WSCD1: variants seen among roughly 807,000 people sequenced by gnomAD.
WSCD1 encodes the protein WSC domain sialate O sulfotransferase 1.
WSCD1 carries 41 observed loss-of-function variants against 60.4 expected under a neutral mutation model. That is an observed-to-expected ratio of 0.68 (90% CI 0.53 to 0.88). WSCD1 has a LOEUF of 0.88. Among genes scored for constraint, WSCD1 ranks in the 40% least tolerant of loss-of-function variants. The pLI is 0.00. For synonymous variants in WSCD1, 361 were observed against 332.5 expected (o/e 1.09, Z -0.93); for missense variants, 784 against 796.2 (o/e 0.98, Z 0.18).
At chr17:6,119,095 C>T (rs1417046285) in intron 8 of WSCD1, among the ~76,000 whole-genome samples, 2 of 152,132 alleles carry the variant, frequency 1.3e-5, no homozygotes, top group African/African-American at 4.8e-5. Flanking sequence ...ATCACAAGGG[C>T]CCCACCCTCA....
In WSCD1 at chr17:6,120,518, C is replaced by T. The variant is rs199932370; in HGVS notation, c.1585C>T (p.Arg529Trp). 6.3e-5 allele frequency: 101 copies of T among 1,613,758 alleles called. No homozygotes were observed. Among genetic ancestry groups the T allele is most frequent in the Middle Eastern group, 3.3e-4 (2 of 6,062 alleles). Residue 529 changes from arginine to tryptophan, a missense_variant, in exon 9 of 9, where the codon CGG becomes TGG. Arg to Trp is a moderately radical substitution (Grantham distance 101). Coordinates refer to ENST00000317744, the MANE Select transcript of WSCD1 (RefSeq NM_015253.2). ...CVENNKEGSF[R>W]RRGRRSHDPE... ...GGAGAACAACAAGGAGGGCAGCTTC[C>T]GGCGGCGCGGCCGGCGCTCCCACGA...
intron 1 of WSCD1, among the ~76,000 whole-genome samples, chr17:6,078,603 C>T (rs113500304): frequency 5.9e-5 from 9 of 151,772 alleles, no homozygotes; most frequent in South Asian, 2.1e-4. Context: ...TGCATGCATG[C>T]GTGTGCATGT....
intron 4 of WSCD1, 111 bp downstream of exon 4, chr17:6,090,616 T>G: frequency 1.4e-6 from 2 of 1,414,878 alleles, no homozygotes; most frequent in South Asian, 2.7e-5. Flanking sequence ...TGTGCCAACC[T>G]CTGCCCTCCC....
At position 6,123,916 on chromosome 17, in the gene WSCD1, T is replaced by A. The variant is rs1048488362; in HGVS notation, c.*3255T>A. On this transcript the variant is annotated 3_prime_UTR_variant, in exon 9 of 9. Transcript: ENST00000317744. ...TCCCATCTCCAGTCTCAGTTTCCCA[T>A]CCATAAAATGGGGGAAGTGGTAGGT... The A allele has an allele frequency of 6.6e-6, 1 of 152,202 alleles. No homozygotes were observed. The highest frequency in any genetic ancestry group is 2.1e-4 in the South Asian group (1 of 4,824). 9.4% of individuals were successfully genotyped at this position (152,202 alleles called of 1,614,324 possible).
intron 2 of WSCD1, 30 bp downstream of exon 2, chr17:6,081,115 G>A: frequency 6.6e-7 from 1 of 1,516,554 alleles, no homozygotes; most frequent in South Asian, 1.2e-5. Flanking sequence ...TGGGGGAGCT[G>A]TTCCCAGGAC....
intron 5 of WSCD1, among the ~76,000 whole-genome samples, chr17:6,103,327 G>T (rs1344771184): frequency 2.6e-5 from 4 of 152,206 alleles, no homozygotes; most frequent in African/African-American, 7.2e-5. Flanking sequence ...TCAGTGTGTG[G>T]GGGATGTTTG....
In WSCD1 at chr17:6,075,991, G is replaced by A. The variant is rs1908835385; in HGVS notation, c.-288-4380G>A. ...GACACCATGTGTGGCATCATCTCTA[G>A]GAGCTTTGGCCCGGCATGACTTCAA... On this transcript the variant is annotated intron_variant, in intron 1 of 8. Coordinates refer to ENST00000317744, the MANE Select transcript of WSCD1 (RefSeq NM_015253.2). The surrounding 1 kb of genome is among the most constrained non-coding windows in gnomAD (Gnocchi z 4.1). 6.6e-6 allele frequency among the ~76,000 whole-genome samples: 1 copy of A among 152,192 alleles called. No homozygotes were observed. Among genetic ancestry groups the A allele is most frequent in the Non-Finnish European group, 1.5e-5 (1 of 68,028 alleles).
At chr17:6,070,125 C>A (rs1029538006), upstream of WSCD1, among the ~76,000 whole-genome samples, 5 of 143,058 alleles carry the variant, frequency 3.5e-5, no homozygotes, top group African/African-American at 1.1e-4. Flanking sequence ...CGTGGGGCCC[C>A]GGTGAAAGGC....
intron 7 of WSCD1, among the ~76,000 whole-genome samples, chr17:6,113,797 C>A (rs1911538256): frequency 6.6e-6 from 1 of 152,162 alleles, no homozygotes; most frequent in African/African-American, 2.4e-5. Flanking sequence ...GAGATATCAT[C>A]TCGCCCCAGT....
rs556925818 is a variant in WSCD1, at chr17:6,111,535, T to G, written c.1174+600T>G. On this transcript the variant is annotated intron_variant, in intron 7 of 8. Transcript: ENST00000317744. ...GACCAATATGGTGAAACCTCATTTC[T>G]ACTAAAAATACAAAAATTAGCTGGG... is the stretch of plus-strand genomic sequence containing the variant. Among the ~76,000 whole-genome samples the G allele has an allele frequency of 1.4e-4, 21 of 152,124 alleles. No individual in the cohort carries two copies. In the East Asian group the frequency reaches 4.1e-3, roughly 29 times the overall value.
chr17:6,081,010 C>T lies in WSCD1; in HGVS notation c.352C>T (p.His118Tyr). The change falls in exon 2 of 9, where the codon CAC (histidine) becomes TAC (tyrosine). Residue 118 changes from histidine to tyrosine, a missense_variant. Coordinates refer to ENST00000317744, the MANE Select transcript of WSCD1 (RefSeq NM_015253.2). Reference sequence around the variant, plus strand: ...GCGTCAGTTGCGTCGCCGCTGGTTCCACCACTTCATGAGTGACTCCCAGGG... The same window carrying T: ...GCGTCAGTTGCGTCGCCGCTGGTTCTACCACTTCATGAGTGACTCCCAGGG... ...ELRQLRRRWFHHFMSDSQGPP... is the reference protein window; with the variant it reads ...ELRQLRRRWFYHFMSDSQGPP... 1 of 1,545,086 alleles carries T rather than the reference C, an allele frequency of 6.5e-7. No individual in the cohort carries two copies. Among genetic ancestry groups the T allele is most frequent in the Non-Finnish European group, 8.7e-7 (1 of 1,147,022 alleles).
In WSCD1 at chr17:6,118,006, A is replaced by G; in HGVS notation, c.1193A>G (p.Asp398Gly). ...LYNKGFKGEK[D>G]HWRSRRTICV... ...CCTGCAGGGTTCAAGGGCGAAAAGGACCACTGGCGGAGCCGACGCACCATC... is the reference window on the plus strand; with the variant it reads ...CCTGCAGGGTTCAAGGGCGAAAAGGGCCACTGGCGGAGCCGACGCACCATC... The change falls in exon 8 of 9, where the codon GAC becomes GGC. Residue 398 changes from aspartate (D) to glycine (G), a missense_variant. Asp to Gly is a moderately conservative substitution (Grantham distance 94). Transcript: ENST00000317744. This position sits in a 1 kb window ranked among gnomAD's most constrained non-coding sequence, Gnocchi z 5.8. 1 of 1,613,890 alleles carries G rather than the reference A, an allele frequency of 6.2e-7. No homozygotes were observed. Among genetic ancestry groups the G allele is most frequent in the Non-Finnish European group, 8.5e-7 (1 of 1,180,024 alleles).
Position 6,070,402 on chromosome 17 carries a change from C to G in WSCD1, c.-539C>G, listed in dbSNP as rs1222135123. The G allele has an allele frequency of 6.8e-6, 1 of 146,802 alleles. No homozygotes were observed. Among genetic ancestry groups the G allele is most frequent in the Admixed American group, 6.8e-5 (1 of 14,698 alleles). The allele number at this position is 146,802 out of a possible 1,614,324, so 9.1% of individuals were successfully genotyped here. On this transcript the variant is annotated 5_prime_UTR_variant, in exon 1 of 9. Transcript: ENST00000317744. ...GTGCAGAGCCCGGCGCCCGCTCGCC[C>G]GCCCGCTGCCCGCCCCGGCTCCGCG... is the stretch of plus-strand genomic sequence containing the variant.
At chr17:6,070,684 C>T (rs1908479563) in intron 1 of WSCD1, 32 bp downstream of exon 1, 1 of 150,520 alleles carries the variant, frequency 6.6e-6, no homozygotes, top group Non-Finnish European at 1.5e-5. Flanking sequence ...TCCAGCCGGA[C>T]CCCCGCGCGG....
At position 6,123,926 on chromosome 17, in the gene WSCD1, G is replaced by A. The variant is rs544271102; in HGVS notation, c.*3265G>A. On this transcript the variant is annotated 3_prime_UTR_variant, in exon 9 of 9. Transcript: ENST00000317744. Reference sequence around the variant, plus strand: ...AGTCTCAGTTTCCCATCCATAAAATGGGGGAAGTGGTAGGTCTTGCTGATT... The same window carrying A: ...AGTCTCAGTTTCCCATCCATAAAATAGGGGAAGTGGTAGGTCTTGCTGATT... 6.6e-6 allele frequency: 1 copy of A among 152,290 alleles called. No homozygotes were observed. The highest frequency in any genetic ancestry group is 1.9e-4 in the East Asian group (1 of 5,182). 9.4% of individuals were successfully genotyped at this position (152,290 alleles called of 1,614,324 possible).
At position 6,120,424 on chromosome 17, in the gene WSCD1, G is replaced by A. The variant is rs1269057322; in HGVS notation, c.1491G>A (p.Leu497=). Residue 497 remains leucine (L), a synonymous_variant, in exon 9 of 9, where the codon CTG becomes CTA. Coordinates refer to ENST00000317744, the MANE Select transcript of WSCD1 (RefSeq NM_015253.2). ...ACTACGAGGAGCTGCGGCGCAGCCT[G>A]GTGCCCACGTTACGGGAGATGGTGG... is the stretch of plus-strand genomic sequence containing the variant. The part of the protein sequence containing the change: ...VVHYEELRRS[L]VPTLREMVAF... 1.2e-6 allele frequency: 2 copies of A among 1,613,990 alleles called. No homozygotes were observed. The highest frequency in any genetic ancestry group is 1.7e-6 in the Non-Finnish European group (2 of 1,180,038).
At chr17:6,107,934 G>T (rs952369697) in intron 5 of WSCD1, among the ~76,000 whole-genome samples, 2 of 152,172 alleles carry the variant, frequency 1.3e-5, no homozygotes, top group East Asian at 3.9e-4. Flanking sequence ...ACGTACTACC[G>T]AGGCTCAATA....
chr17:6,100,607 C>T (rs1910743693), intron 5 of WSCD1, among the ~76,000 whole-genome samples: 2 of 152,208 alleles, frequency 1.3e-5, no homozygotes, highest in South Asian at 2.1e-4. Flanking sequence ...CACTCTAGAG[C>T]AGGGGTTCAC....
chr17:6,084,423 C>T (rs1009442595), intron 2 of WSCD1, among the ~76,000 whole-genome samples: 1 of 152,244 alleles, frequency 6.6e-6, no homozygotes, highest in Non-Finnish European at 1.5e-5. Flanking sequence ...TAGCCTGCAG[C>T]CCAGCCCTCA....
Sources: gnomAD v4.1 joint callset for allele counts (sites outside exome capture counted in the v4.1 genomes callset) on GRCh38, gnomAD v4.1.1 for gene constraint, Gnocchi (gnomAD v3.1) non-coding constraint, MANE v1.5 for transcripts, NCBI Gene and HGNC (gene_info 2026-07-23, HGNC 2026-07-21) for gene names.